FIBCD1: variants seen among roughly 807,000 people sequenced by gnomAD.
The protein encoded by FIBCD1 is fibrinogen C domain-containing protein 1.
Under a neutral mutation model 45.1 loss-of-function variants are expected in FIBCD1, and 47 were observed. The ratio of observed to expected loss-of-function variants is 1.04; its 90% CI spans 0.82 to 1.33. The LOEUF is 1.33. Ranked by LOEUF, FIBCD1 falls within the 40% of genes most tolerant of loss-of-function variation. The pLI is 0.00. For synonymous variants in FIBCD1, 313 were observed against 308.1 expected (o/e 1.02, Z -0.17); for missense variants, 653 against 682.2 (o/e 0.96, Z 0.48).
intron 1 of FIBCD1, chr9:130,930,915 G>A (rs917579008): frequency 4.6e-6 from 2 of 437,124 alleles, no homozygotes; most frequent in Non-Finnish European, 9.4e-6. Flanking sequence ...CGAGTGCCCT[G>A]GGGTAGCGGG....
rs1020998081 is a variant in FIBCD1, at chr9:130,922,273, C to T, written c.849+1471G>A. On this transcript the variant is annotated intron_variant, in intron 4 of 6. Coordinates refer to ENST00000372338, the MANE Select transcript of FIBCD1 (RefSeq NM_032843.5). This position sits in a 1 kb window ranked among gnomAD's most constrained non-coding sequence, Gnocchi z 4.5. ...GGGCGGTGGGGTTCTCACCGGCCCA[C>T]CCCCGGGCCTGGTCTGGGGTCTCTG... Among the ~76,000 whole-genome samples the T allele has an allele frequency of 6.6e-6, 1 of 152,112 alleles. No individual in the cohort carries two copies. Among genetic ancestry groups the T allele is most frequent in the African/African-American group, 2.4e-5 (1 of 41,370 alleles).
At chr9:130,918,479 C>T (rs1226230835) in intron 4 of FIBCD1, among the ~76,000 whole-genome samples, 1 of 152,224 alleles carries the variant, frequency 6.6e-6, no homozygotes, top group Non-Finnish European at 1.5e-5. Flanking sequence ...TGTGATGAAA[C>T]TGCTGCAGAA....
chr9:130,933,460 G>A (rs1016924745), intron 1 of FIBCD1, among the ~76,000 whole-genome samples: 7 of 152,152 alleles, frequency 4.6e-5, no homozygotes, highest in African/African-American at 7.2e-5. Flanking sequence ...GGCCTGAGCC[G>A]GGAGCCCTGG....
In FIBCD1 at chr9:130,938,537, T is replaced by G; in HGVS notation, c.71A>C (p.Gln24Pro). 6.7e-7 allele frequency: 1 copy of G among 1,489,182 alleles called. No individual in the cohort carries two copies. 92.2% of individuals were successfully genotyped at this position (1,489,182 alleles called of 1,614,324 possible). The change falls in exon 1 of 7, where the codon CAG becomes CCG. Residue 24 changes from glutamine (Q) to proline (P), a missense_variant and splice_region_variant. By Grantham distance (76) the Gln-to-Pro change is moderately conservative. Coordinates refer to ENST00000372338, the MANE Select transcript of FIBCD1 (RefSeq NM_032843.5). Reference sequence around the variant, plus strand: ...CCGTGTCCCAGCGCCCGAGCGTACCTGCGGCTTGTCGCGCGGCCGGTCCTC... The same window carrying G: ...CCGTGTCCCAGCGCCCGAGCGTACCGGCGGCTTGTCGCGCGGCCGGTCCTC... ...QLEDRPRDKP[Q>P]RPSCGYVLCT...
chr9:130,929,202 T>C (rs1227277357), intron 2 of FIBCD1, among the ~76,000 whole-genome samples: 1 of 152,130 alleles, frequency 6.6e-6, no homozygotes, highest in African/African-American at 2.4e-5. Flanking sequence ...TCGCATCCCC[T>C]CTCTGAGCCT....
At chr9:130,912,289 C>T (rs929595699) in intron 4 of FIBCD1, among the ~76,000 whole-genome samples, 2 of 151,050 alleles carry the variant, frequency 1.3e-5, no homozygotes, top group African/African-American at 2.4e-5. Context: ...GCCTGTAATC[C>T]TAGCTACTTG....
At position 130,926,240 on chromosome 9, in the gene FIBCD1, C is replaced by T. The variant is rs1832357553; in HGVS notation, c.553-1844G>A. Reference sequence around the variant, plus strand: ...TTTATCTGAGTCAACACGGCCACAACGCACTAAAAAAAACTCAGGCACGGC... The same window carrying T: ...TTTATCTGAGTCAACACGGCCACAATGCACTAAAAAAAACTCAGGCACGGC... On this transcript the variant is annotated intron_variant, in intron 2 of 6. Transcript: ENST00000372338. This position sits in a 1 kb window ranked among gnomAD's most constrained non-coding sequence, Gnocchi z 4.1. 5.3e-5 allele frequency among the ~76,000 whole-genome samples: 8 copies of T among 152,172 alleles called. No individual in the cohort carries two copies. Among genetic ancestry groups the T allele is most frequent in the Admixed American group, 4.6e-4 (7 of 15,280 alleles).
chr9:130,938,427 AG>A, intron 1 of FIBCD1, 108 bp downstream of exon 1: 1 of 929,650 alleles, frequency 1.1e-6, no homozygotes, highest in South Asian at 2.2e-5. Context: ...GGAGCCTCGA[AG>A]GGGTGCGCCC....
At chr9:130,911,755 A>C (rs1832053191) in intron 5 of FIBCD1, 37 bp downstream of exon 5, 2 of 1,548,092 alleles carry the variant, frequency 1.3e-6, no homozygotes, top group African/African-American at 1.4e-5. Flanking sequence ...CAGGGGGAGG[A>C]GGCCCACCTG....
At chr9:130,909,034 G>A (rs994829949) in intron 5 of FIBCD1, among the ~76,000 whole-genome samples, 3 of 151,998 alleles carry the variant, frequency 2.0e-5, no homozygotes, top group African/African-American at 7.3e-5. Flanking sequence ...CCAGACCTGC[G>A]CTCTCAGCCT....
rs373084105 is a variant in FIBCD1 at position 130,923,769 on chromosome 9, A to G, written c.824T>C (p.Met275Thr). Reference protein sequence around the residue: ...YPAGFQVYCDMRTDGGGWTVF... With the variant: ...YPAGFQVYCDTRTDGGGWTVF... ...CGTCCAGCCGCCGCCGTCCGTGCGC[A>G]TGTCACAGTACACCTGGAAGCCGGC... The change falls in exon 4 of 7, where the codon ATG becomes ACG. Residue 275 changes from methionine to threonine, a missense_variant. Transcript: ENST00000372338. 35 of 1,612,494 alleles carry G rather than the reference A, an allele frequency of 2.2e-5. No homozygotes were observed. Among genetic ancestry groups the G allele is most frequent in the Non-Finnish European group, 1.8e-5 (21 of 1,179,912 alleles).
At chr9:130,935,041 C>T (rs564309057) in intron 1 of FIBCD1, among the ~76,000 whole-genome samples, 17 of 152,318 alleles carry the variant, frequency 1.1e-4, no homozygotes, top group Non-Finnish European at 2.4e-4. Context: ...CTCCCTGAGG[C>T]ACAGACTGTA....
chr9:130,911,864 A>T lies in FIBCD1; in HGVS notation c.874T>A (p.Ser292Thr). Residue 292 changes from serine to threonine, a missense_variant, in exon 5 of 7, where the codon TCC becomes ACC. Ser to Thr is a moderately conservative substitution (Grantham distance 58). Coordinates refer to ENST00000372338, the MANE Select transcript of FIBCD1 (RefSeq NM_032843.5). ...TCCCAGCCCCGGAAGAAGTTCACGG[A>T]GCCGTCCTCCCGGCGCTGAAACACC... ...WTVFQRREDG[S>T]VNFFRGWDAY... 1 of 1,596,160 alleles carries T rather than the reference A, an allele frequency of 6.3e-7. No individual in the cohort carries two copies. Among genetic ancestry groups the T allele is most frequent in the South Asian group, 1.1e-5 (1 of 88,214 alleles).
intron 3 of FIBCD1, 152 bp from the exon 4 acceptor site, chr9:130,924,032 C>T (rs1832311374): frequency 1.5e-6 from 2 of 1,355,652 alleles, no homozygotes; most frequent in Admixed American, 4.3e-5. Context: ...TCTGCCACTC[C>T]CTGCTGTGGC....
intron 1 of FIBCD1, among the ~76,000 whole-genome samples, chr9:130,935,207 G>C (rs888588953): frequency 1.3e-5 from 2 of 152,198 alleles, no homozygotes; most frequent in African/African-American, 4.8e-5. Flanking sequence ...TTTTGAAAGC[G>C]TCAAGAGATC....
chr9:130,911,655 A>G, intron 5 of FIBCD1, 137 bp downstream of exon 5: 1 of 688,958 alleles, frequency 1.5e-6, no homozygotes, highest in Non-Finnish European at 2.5e-6. Context: ...CATGCATGAC[A>G]CCTGTGAGCT....
intron 6 of FIBCD1, 77 bp from the exon 7 acceptor site, chr9:130,904,400 C>T (rs1327942216): frequency 2.4e-5 from 37 of 1,518,528 alleles, no homozygotes; most frequent in Middle Eastern, 4.6e-4. Context: ...GAGCAGACAC[C>T]GAGACACTGC....
intron 4 of FIBCD1, among the ~76,000 whole-genome samples, chr9:130,912,456 C>T (rs1235137949): frequency 6.7e-6 from 1 of 149,664 alleles, no homozygotes; most frequent in Non-Finnish European, 1.5e-5. Context: ...CCTGTAATCC[C>T]AGAACTTTGG....
Position 130,903,935 on chromosome 9 carries a change from G to A in FIBCD1, c.*129C>T. ...CCCAGGGAGCTTCGTGTCAGGGATG[G>A]CCCGGCCCCTCCCTACTGGAGAGTG... On this transcript the variant is annotated 3_prime_UTR_variant, in exon 7 of 7. Coordinates refer to ENST00000372338, the MANE Select transcript of FIBCD1 (RefSeq NM_032843.5). 1 of 1,272,300 alleles carries A rather than the reference G, an allele frequency of 7.9e-7. No individual in the cohort carries two copies. The highest frequency in any genetic ancestry group is 1.3e-5 in the South Asian group (1 of 77,706). The allele number at this position is 1,272,300 out of a possible 1,614,324, so 78.8% of individuals were successfully genotyped here.
Sources: gnomAD v4.1 joint callset for allele counts (sites outside exome capture counted in the v4.1 genomes callset) on GRCh38, gnomAD v4.1.1 for gene constraint, Gnocchi (gnomAD v3.1) non-coding constraint, MANE v1.5 for transcripts, NCBI Gene and HGNC (gene_info 2026-07-23, HGNC 2026-07-21) for gene names.